The following SVEP1 variants were observed in gnomAD, a reference collection of about 807,000 sequenced individuals.
SVEP1 encodes the protein sushi, von Willebrand factor type A, EGF and pentraxin domain containing 1, also known as sushi, von Willebrand factor type A, EGF and pentraxin domain-containing protein 1.
In SVEP1, 164 loss-of-function variants were observed where a neutral mutation model predicts 367.3. The observed-to-expected ratio is 0.45, with a 90% CI of 0.39 to 0.51. The LOEUF (loss-of-function observed/expected upper bound fraction) is 0.51. Ranked by LOEUF, SVEP1 falls within the 20% of genes least tolerant of loss-of-function variation. SVEP1 has a pLI of 0.00. For missense variants in SVEP1, 4,117 were observed against 4,425.3 expected (o/e 0.93, Z 1.98); for synonymous variants, 1,666 against 1,611.6 (o/e 1.03, Z -0.81).
At chr9:110,437,406 G>T (rs1165621474) in intron 27 of SVEP1, among the ~76,000 whole-genome samples, 1 of 152,042 alleles carries the variant, frequency 6.6e-6, no homozygotes, top group Non-Finnish European at 1.5e-5. Flanking sequence ...TCATATTTTG[G>T]TCTTCTTAAC....
chr9:110,556,431 C>T (rs946221047), intron 1 of SVEP1, among the ~76,000 whole-genome samples: 2 of 152,166 alleles, frequency 1.3e-5, no homozygotes, highest in African/African-American at 4.8e-5. Context: ...TGCAATTACC[C>T]ATTGTGACCA....
In SVEP1 at chr9:110,385,997, C is replaced by T. The variant is rs200944146; in HGVS notation, c.10138G>A (p.Val3380Met). 79 of 1,613,804 alleles carry T rather than the reference C, an allele frequency of 4.9e-5. No individual in the cohort carries two copies. The highest frequency in any genetic ancestry group is 6.0e-5 in the Non-Finnish European group (71 of 1,179,860). Residue 3380 changes from valine to methionine, a missense_variant, in exon 43 of 48, where the codon GTG becomes ATG. Physicochemically the swap from Val to Met is conservative, Grantham distance 21. Coordinates refer to ENST00000374469, the MANE Select transcript of SVEP1 (RefSeq NM_153366.4). ...SEKEFYVDQN[V>M]SIKCREGFLL... is the part of the protein sequence containing the mutation. Reference sequence around the variant, plus strand: ...AAACCTTCCCTACATTTGATGGACACATTCTGATCAACATAAAACTCCTTT... The same window carrying T: ...AAACCTTCCCTACATTTGATGGACATATTCTGATCAACATAAAACTCCTTT...
At chr9:110,485,950 T>G (rs1432153742) in intron 9 of SVEP1, among the ~76,000 whole-genome samples, 2 of 152,234 alleles carry the variant, frequency 1.3e-5, no homozygotes, top group African/African-American at 4.8e-5. Flanking sequence ...TGTTTGTTAT[T>G]AGTGCAGACC....
At chr9:110,384,706 TTTAGAG>T (rs1352963065) in intron 43 of SVEP1, among the ~76,000 whole-genome samples, 2 of 152,162 alleles carry the variant, frequency 1.3e-5, no homozygotes, top group South Asian at 2.1e-4. Flanking sequence ...CTAGCATAAG[TTTAGAG>T]TTAAACATTT....
rs151302143 is a variant in SVEP1 at position 110,367,134 on chromosome 9, G to A, written c.10695-574C>T. ...TGTTAACAAACCTTTATTGAGCAGC[G>A]ACTTTTGTGCCTGTACAAGGCACTA... On this transcript the variant is annotated intron_variant, in intron 47 of 47. Coordinates refer to ENST00000374469, the MANE Select transcript of SVEP1 (RefSeq NM_153366.4). Among the ~76,000 whole-genome samples the A allele has an allele frequency of 3.5e-3, 529 of 152,262 alleles. 4 individuals are homozygous for A. The highest frequency in any genetic ancestry group is 0.012 in the African/African-American group (501 of 41,542).
At chr9:110,400,025 G>T (rs1197497828) in intron 40 of SVEP1, among the ~76,000 whole-genome samples, 2 of 152,190 alleles carry the variant, frequency 1.3e-5, no homozygotes, top group Non-Finnish European at 2.9e-5. Context: ...CTGCGGAAGG[G>T]ATTTTAATAT....
At chr9:110,368,196 G>A (rs1423124373) in intron 47 of SVEP1, among the ~76,000 whole-genome samples, 1 of 152,186 alleles carries the variant, frequency 6.6e-6, no homozygotes, top group African/African-American at 2.4e-5. Flanking sequence ...AGGTGGAGAG[G>A]TACACGTGGC....
intron 1 of SVEP1, among the ~76,000 whole-genome samples, chr9:110,561,707 AAAAC>A (rs1356905673): frequency 1.3e-5 from 2 of 152,228 alleles, no homozygotes; most frequent in Non-Finnish European, 1.5e-5. Context: ...CCATTAACTA[AAAAC>A]AAACAAAATA....
intron 36 of SVEP1, among the ~76,000 whole-genome samples, chr9:110,417,457 A>G (rs1828144963): frequency 3.5e-5 from 1 of 28,212 alleles, no homozygotes; most frequent in East Asian, 7.8e-4. Context: ...CCTGGCTCAG[A>G]GGGTCCTACG....
At chr9:110,575,412 T>A (rs1171883799) in intron 1 of SVEP1, among the ~76,000 whole-genome samples, 1 of 152,084 alleles carries the variant, frequency 6.6e-6, no homozygotes, top group Non-Finnish European at 1.5e-5. Context: ...TGCAGCAGGG[T>A]TCTTCCTGGA....
chr9:110,455,350 G>A (rs574590426), intron 22 of SVEP1, among the ~76,000 whole-genome samples: 3 of 152,244 alleles, frequency 2.0e-5, no homozygotes, highest in Admixed American at 1.3e-4. Context: ...ATGGGAACAC[G>A]CCTGCTTGTT....
At chr9:110,498,503 G>T (rs1829485362) in intron 7 of SVEP1, among the ~76,000 whole-genome samples, 1 of 152,118 alleles carries the variant, frequency 6.6e-6, no homozygotes, top group South Asian at 2.1e-4. Flanking sequence ...CTCTCAGTTT[G>T]GTCTTTTAAA....
At chr9:110,457,173 T>G in intron 21 of SVEP1, 83 bp downstream of exon 21, 1 of 1,115,400 alleles carries the variant, frequency 9.0e-7, no homozygotes, top group Non-Finnish European at 1.3e-6. Flanking sequence ...TCGGATATAG[T>G]TAATGTACTA....
chr9:110,482,025 A>T (rs2118704379), intron 11 of SVEP1, among the ~76,000 whole-genome samples: 1 of 152,278 alleles, frequency 6.6e-6, no homozygotes, highest in East Asian at 1.9e-4. Flanking sequence ...TATTTTTGAC[A>T]TTCCTTTAAT....
intron 3 of SVEP1, among the ~76,000 whole-genome samples, chr9:110,536,311 C>G (rs1830079070): frequency 6.6e-6 from 1 of 151,984 alleles, no homozygotes; most frequent in Non-Finnish European, 1.5e-5. Context: ...CCTACTTGGT[C>G]ACAGTGAACT....
intron 7 of SVEP1, 46 bp from the exon 8 acceptor site, chr9:110,496,979 T>C (rs760493123): frequency 4.4e-5 from 55 of 1,239,822 alleles, no homozygotes; most frequent in Non-Finnish European, 5.9e-5. Context: ...TGATATGTGG[T>C]CCTAGATCAT....
intron 37 of SVEP1, among the ~76,000 whole-genome samples, chr9:110,409,759 A>C (rs1017129324): frequency 4.6e-5 from 7 of 152,216 alleles, no homozygotes; most frequent in Non-Finnish European, 8.8e-5. Context: ...TTACTGCTGT[A>C]ACAATAGAAA....
chr9:110,542,116 A>T (rs1830158499), intron 3 of SVEP1, among the ~76,000 whole-genome samples: 1 of 152,092 alleles, frequency 6.6e-6, no homozygotes, highest in African/African-American at 2.4e-5. Context: ...CTGTGTTGCG[A>T]AACATTTTGA....
chr9:110,555,287 A>G (rs1396634556), intron 1 of SVEP1, among the ~76,000 whole-genome samples: 1 of 152,172 alleles, frequency 6.6e-6, no homozygotes, highest in African/African-American at 2.4e-5. Flanking sequence ...CACAGAGTAC[A>G]TGTTCATAAC....
Sources: allele counts gnomAD v4.1 joint callset (sites outside exome capture counted in the v4.1 genomes callset), GRCh38; gene constraint gnomAD v4.1.1; transcripts MANE v1.5; gene names NCBI Gene and HGNC (gene_info 2026-07-23, HGNC 2026-07-21).